SLC2A13: variants seen among roughly 807,000 people sequenced by gnomAD.
SLC2A13 encodes proton myo-inositol cotransporter.
Under a neutral mutation model 64.4 loss-of-function variants are expected in SLC2A13, and 32 were observed. That is an observed-to-expected ratio of 0.50 (90% CI 0.37 to 0.67). SLC2A13 has a LOEUF of 0.67. Ranked by LOEUF, SLC2A13 falls within the 30% of genes least tolerant of loss-of-function variation. SLC2A13 has a pLI of 0.00. For missense variants in SLC2A13, 743 were observed against 829.2 expected (o/e 0.90, Z 1.28); for synonymous variants, 338 against 327.1 (o/e 1.03, Z -0.36).
At chr12:39,882,661 A>G (rs949877783) in intron 4 of SLC2A13, among the ~76,000 whole-genome samples, 1 of 152,176 alleles carries the variant, frequency 6.6e-6, no homozygotes, top group Non-Finnish European at 1.5e-5. Context: ...GAGCAATCAG[A>G]TGGGTGCTCC....
At chr12:39,907,009 T>C (rs536253380) in intron 4 of SLC2A13, among the ~76,000 whole-genome samples, 2 of 152,298 alleles carry the variant, frequency 1.3e-5, no homozygotes, top group South Asian at 4.1e-4. Flanking sequence ...GTGTATATAG[T>C]GAGTTATTTA....
intron 4 of SLC2A13, among the ~76,000 whole-genome samples, chr12:39,934,852 T>C (rs556884688): frequency 6.6e-6 from 1 of 152,268 alleles, no homozygotes; most frequent in Non-Finnish European, 1.5e-5. Context: ...GAAGAAGTTC[T>C]AGCAAGAAAC....
chr12:39,929,967 C>A (rs1349931426), intron 4 of SLC2A13, among the ~76,000 whole-genome samples: 1 of 151,846 alleles, frequency 6.6e-6, no homozygotes, highest in African/African-American at 2.4e-5. Context: ...CCTGTCTCTA[C>A]TAAAAATACA....
At chr12:39,887,072 T>C (rs1944481768) in intron 4 of SLC2A13, among the ~76,000 whole-genome samples, 1 of 152,164 alleles carries the variant, frequency 6.6e-6, no homozygotes, top group Admixed American at 6.6e-5. Flanking sequence ...AAAGAGACTG[T>C]TATGGAAATT....
At chr12:40,019,099 T>G (rs1304169075) in intron 3 of SLC2A13, among the ~76,000 whole-genome samples, 3 of 152,116 alleles carry the variant, frequency 2.0e-5, no homozygotes, top group African/African-American at 7.2e-5. Context: ...ACAAGGACAG[T>G]TGACACTGTT....
intron 1 of SLC2A13, among the ~76,000 whole-genome samples, chr12:40,056,638 A>G (rs1026055678): frequency 6.6e-6 from 1 of 152,216 alleles, no homozygotes; most frequent in Non-Finnish European, 1.5e-5. Flanking sequence ...CCTAAATCAG[A>G]GCTAAAAGGA....
chr12:39,858,056 A>T (rs1190497926), intron 6 of SLC2A13, among the ~76,000 whole-genome samples: 2 of 152,232 alleles, frequency 1.3e-5, no homozygotes, highest in Non-Finnish European at 2.9e-5. Context: ...TCAAAATTAA[A>T]AAGTTATGGC....
At chr12:39,896,517 T>C (rs1231786864) in intron 4 of SLC2A13, among the ~76,000 whole-genome samples, 10 of 139,050 alleles carry the variant, frequency 7.2e-5, no homozygotes, top group Non-Finnish European at 1.4e-4. Context: ...TACATGTGTG[T>C]ATACATGTAT....
intron 1 of SLC2A13, among the ~76,000 whole-genome samples, chr12:40,082,238 A>G (rs1938431169): frequency 6.6e-6 from 1 of 152,252 alleles, no homozygotes; most frequent in African/African-American, 2.4e-5. Context: ...ACTCAACCCT[A>G]CAAAGTTAAA....
At chr12:39,966,586 G>C (rs1946520582) in intron 3 of SLC2A13, among the ~76,000 whole-genome samples, 1 of 152,074 alleles carries the variant, frequency 6.6e-6, no homozygotes, top group African/African-American at 2.4e-5. Flanking sequence ...ACATTCAGCA[G>C]ACAGAAAATA....
At chr12:39,988,530 GAAGA>G (rs1291781740) in intron 3 of SLC2A13, among the ~76,000 whole-genome samples, 1 of 138,006 alleles carries the variant, frequency 7.2e-6, no homozygotes. Flanking sequence ...AAGAAAGAAA[GAAGA>G]AAGAAAAAAG....
chr12:39,881,918 G>A (rs911994604), intron 4 of SLC2A13, among the ~76,000 whole-genome samples: 3 of 151,826 alleles, frequency 2.0e-5, no homozygotes, highest in Non-Finnish European at 2.9e-5. Context: ...CATGATTCTC[G>A]GTGACAGTGG....
chr12:40,093,971 G>A (rs1313796830), intron 1 of SLC2A13, among the ~76,000 whole-genome samples: 1 of 152,086 alleles, frequency 6.6e-6, no homozygotes, highest in Non-Finnish European at 1.5e-5. Flanking sequence ...AAAGCAGAGG[G>A]GTCAAGAAAA....
chr12:39,975,699 T>A (rs375452395), intron 3 of SLC2A13, among the ~76,000 whole-genome samples: 1 of 152,240 alleles, frequency 6.6e-6, no homozygotes, highest in African/African-American at 2.4e-5. Flanking sequence ...ATTTATTTGA[T>A]CAGAATAGCT....
chr12:40,048,148 G>C lies in SLC2A13; in HGVS notation c.619C>G (p.Arg207Gly). 1 of 1,613,402 alleles carries C rather than the reference G, an allele frequency of 6.2e-7. No individual in the cohort carries two copies. The highest frequency in any genetic ancestry group is 8.5e-7 in the Non-Finnish European group (1 of 1,179,674). Residue 207 changes from arginine to glycine, a missense_variant, in exon 2 of 10, where the codon CGA becomes GGA. Transcript: ENST00000280871. Reference sequence around the variant, plus strand: ...AAGAGGGTATTAATGGTGACTAATCGGCCTCTTAAATTGGGTGGTGAGACC... The same window carrying C: ...AAGAGGGTATTAATGGTGACTAATCCGCCTCTTAAATTGGGTGGTGAGACC... The part of the protein sequence containing the change: ...AEVSPPNLRG[R>G]LVTINTLFIT...
At chr12:40,098,075 A>G (rs565581822) in intron 1 of SLC2A13, among the ~76,000 whole-genome samples, 1 of 151,302 alleles carries the variant, frequency 6.6e-6, no homozygotes, top group Non-Finnish European at 1.5e-5. Flanking sequence ...GTGTATATAT[A>G]TGTATATATG....
intron 7 of SLC2A13, among the ~76,000 whole-genome samples, chr12:39,820,517 A>G (rs1942460787): frequency 6.6e-6 from 1 of 152,128 alleles, no homozygotes; most frequent in Non-Finnish European, 1.5e-5. Flanking sequence ...TTATAAAACT[A>G]GCACTGAAAC....
intron 4 of SLC2A13, among the ~76,000 whole-genome samples, chr12:39,894,666 G>A (rs10747943): frequency 0.44 from 67,406 of 152,000 alleles, 15,313 homozygotes; most frequent in East Asian, 0.76. Context: ...TCTTTTTTAG[G>A]TCAGGGCCAA....
intron 7 of SLC2A13, among the ~76,000 whole-genome samples, chr12:39,806,737 G>A (rs1032056504): frequency 1.3e-5 from 2 of 152,102 alleles, no homozygotes; most frequent in Non-Finnish European, 2.9e-5. Flanking sequence ...ATTATACTGT[G>A]GGAAACATGG....
Sources: gnomAD v4.1 joint callset for allele counts (sites outside exome capture counted in the v4.1 genomes callset) on GRCh38, gnomAD v4.1.1 for gene constraint, MANE v1.5 for transcripts, NCBI Gene and HGNC (gene_info 2026-07-23, HGNC 2026-07-21) for gene names.